The following CHODL variants were observed in gnomAD, a reference collection of about 807,000 sequenced individuals.
The protein encoded by CHODL is chondrolectin, also known as transmembrane protein MT75.
In CHODL, 29 loss-of-function variants were observed where a neutral mutation model predicts 34.5. That is an observed-to-expected ratio of 0.84 (90% confidence interval 0.63 to 1.15). The LOEUF is 1.15. CHODL is among the 50% of genes most tolerant of loss of function. The pLI, the probability that CHODL is intolerant of heterozygous loss-of-function variation, is 0.00. For synonymous variants in CHODL, 125 were observed against 116.1 expected (o/e 1.08, Z -0.49); for missense variants, 332 against 332.5 (o/e 1.00, Z 0.01).
intron 1 of CHODL, among the ~76,000 whole-genome samples, chr21:18,005,941 C>T (rs189610900): frequency 3.0e-4 from 45 of 152,242 alleles, no homozygotes; most frequent in Middle Eastern, 6.8e-3. Context: ...ACAATTTCCA[C>T]GTTTCATGGG....
At chr21:18,249,132 T>C (rs892060896) in intron 1 of CHODL, among the ~76,000 whole-genome samples, 8 of 134,572 alleles carry the variant, frequency 5.9e-5, no homozygotes, top group Non-Finnish European at 1.5e-5. Flanking sequence ...AATACATATA[T>C]AATAATATAT....
chr21:17,970,852 A>C (rs2063608491), intron 1 of CHODL, among the ~76,000 whole-genome samples: 1 of 152,102 alleles, frequency 6.6e-6, no homozygotes, highest in Admixed American at 6.6e-5. Context: ...GGTCATCTAC[A>C]TTAGGTTTTC....
At chr21:18,025,173 C>A (rs7275230) in intron 1 of CHODL, among the ~76,000 whole-genome samples, 16,892 of 152,020 alleles carry the variant, frequency 0.11, 1,677 homozygotes, top group African/African-American at 0.27. Context: ...TTTAAAAAAA[C>A]CAAAGATTTA....
intron 2 of CHODL, among the ~76,000 whole-genome samples, chr21:18,238,176 A>G (rs1337017876): frequency 1.3e-5 from 2 of 152,100 alleles, no homozygotes; most frequent in Non-Finnish European, 2.9e-5. Context: ...CTGGGAAGAG[A>G]CACCAGAGTT....
At chr21:18,069,331 G>A (rs111889040) in intron 2 of CHODL, among the ~76,000 whole-genome samples, 3 of 151,968 alleles carry the variant, frequency 2.0e-5, no homozygotes, top group Non-Finnish European at 2.9e-5. Context: ...TCCTTTACTC[G>A]AAAATCCCAT....
intron 1 of CHODL, among the ~76,000 whole-genome samples, chr21:17,971,058 T>C (rs1178030794): frequency 6.6e-6 from 1 of 152,212 alleles, no homozygotes; most frequent in Non-Finnish European, 1.5e-5. Context: ...ACAAAGGACA[T>C]GAATGCATCA....
At chr21:18,010,297 CAAAAAAA>C (rs71189576) in intron 1 of CHODL, among the ~76,000 whole-genome samples, 2 of 38,790 alleles carry the variant, frequency 5.2e-5, no homozygotes, top group African/African-American at 2.0e-4. Context: ...ACTCCCGTCT[CAAAAAAA>C]AAAAAAAAAA....
chr21:18,228,128 C>T (rs1192179829), intron 2 of CHODL, among the ~76,000 whole-genome samples: 2 of 152,074 alleles, frequency 1.3e-5, no homozygotes, highest in Non-Finnish European at 2.9e-5. Flanking sequence ...CTGAAGTCCT[C>T]TTATGTACTG....
intron 2 of CHODL, among the ~76,000 whole-genome samples, chr21:18,118,782 T>C (rs2146573221): frequency 6.6e-6 from 1 of 152,328 alleles, no homozygotes; most frequent in Middle Eastern, 3.4e-3. Context: ...CTTTCATAGC[T>C]CTTCTGTCTT....
chr21:18,123,891 T>C (rs919951649), intron 2 of CHODL, among the ~76,000 whole-genome samples: 16 of 152,026 alleles, frequency 1.1e-4, no homozygotes, highest in Non-Finnish European at 1.3e-4. Context: ...TTTGATACTA[T>C]AAAGCCTGCA....
chr21:18,052,812 T>C (rs886679004), intron 2 of CHODL, among the ~76,000 whole-genome samples: 1 of 152,038 alleles, frequency 6.6e-6, no homozygotes. Context: ...AATATGTGAA[T>C]TGAGTTTGTC....
At chr21:18,237,020 G>A (rs2074034620) in intron 2 of CHODL, among the ~76,000 whole-genome samples, 1 of 152,032 alleles carries the variant, frequency 6.6e-6, no homozygotes, top group Admixed American at 6.6e-5. Context: ...GCTAACTATT[G>A]GAGAAGAAAT....
In CHODL at chr21:17,964,379, G is replaced by A. The variant is rs1159075030; in HGVS notation, c.-145+46979G>A. On this transcript the variant is annotated intron_variant, in intron 1 of 6. Transcript: ENST00000400127. ...CACACACACGCACACATGCGTGCAC[G>A]TGCTGAACATGAAAATGCCAAAACG... Among the ~76,000 whole-genome samples, 5 of 152,176 alleles carry A rather than the reference G, an allele frequency of 3.3e-5. No individual in the cohort carries two copies. The East Asian group carries it at 7.7e-4, about 23-fold the overall frequency.
chr21:17,986,608 A>T (rs1422204572), intron 1 of CHODL, among the ~76,000 whole-genome samples: 1 of 152,252 alleles, frequency 6.6e-6, no homozygotes, highest in Non-Finnish European at 1.5e-5. Context: ...TATTGTGAAT[A>T]GTGCCACAGT....
intron 2 of CHODL, among the ~76,000 whole-genome samples, chr21:18,194,829 T>TA (rs939579855): frequency 6.6e-6 from 1 of 152,058 alleles, no homozygotes; most frequent in African/African-American, 2.4e-5. Flanking sequence ...TCTCTTTTTT[T>TA]AAAATGACAA....
chr21:18,080,007 TG>T (rs1171094308), intron 2 of CHODL, among the ~76,000 whole-genome samples: 1 of 152,272 alleles, frequency 6.6e-6, no homozygotes, highest in Non-Finnish European at 1.5e-5. Context: ...TATTGTTTTC[TG>T]ACTTTTTAAT....
intron 1 of CHODL, among the ~76,000 whole-genome samples, chr21:17,951,741 GA>G (rs542608997): frequency 1.6e-3 from 247 of 152,168 alleles, no homozygotes; most frequent in African/African-American, 5.6e-3. Flanking sequence ...CATTGCAGAA[GA>G]AATTACAAGT....
intron 1 of CHODL, chr21:18,245,895 G>T: frequency 6.5e-7 from 1 of 1,535,332 alleles, no homozygotes; most frequent in Non-Finnish European, 8.7e-7. Context: ...TTCCAAGTTG[G>T]GGACTTCCCA....
chr21:18,165,801 G>A (rs2073146181), intron 2 of CHODL, among the ~76,000 whole-genome samples: 1 of 152,148 alleles, frequency 6.6e-6, no homozygotes, highest in Non-Finnish European at 1.5e-5. Flanking sequence ...TCCTAGACAA[G>A]TGTATTGAAT....
Sources: allele counts gnomAD v4.1 joint callset (sites outside exome capture counted in the v4.1 genomes callset), GRCh38; gene constraint gnomAD v4.1.1; transcripts MANE v1.5; gene names NCBI Gene and HGNC (gene_info 2026-07-23, HGNC 2026-07-21).